TG: variants seen among roughly 807,000 people sequenced by gnomAD.
TG encodes thyroglobulin.
Under a neutral mutation model 324.7 loss-of-function variants are expected in TG, and 270 were observed. The ratio of observed to expected loss-of-function variants is 0.83; its 90% CI spans 0.75 to 0.92. The LOEUF is 0.92. Ranked by LOEUF, TG falls within the 40% of genes least tolerant of loss-of-function variation. The pLI is 0.00. For missense variants in TG, 3,591 were observed against 3,456.4 expected (o/e 1.04, Z -0.98); for synonymous variants, 1,401 against 1,327.0 (o/e 1.06, Z -1.21).
At chr8:133,122,370 C>T (rs943063181) in intron 45 of TG, among the ~76,000 whole-genome samples, 10 of 152,238 alleles carry the variant, frequency 6.6e-5, no homozygotes, top group Middle Eastern at 3.4e-3. Flanking sequence ...AAGATGAGAC[C>T]GTCTAGCTCC....
chr8:132,908,631 C>G (rs1195238452), intron 18 of TG, among the ~76,000 whole-genome samples: 1 of 152,014 alleles, frequency 6.6e-6, no homozygotes, highest in Admixed American at 6.6e-5. Flanking sequence ...CTCAGAGGAG[C>G]CTGGCTAGAG....
chr8:133,101,096 G>A (rs1404505839), intron 43 of TG, among the ~76,000 whole-genome samples: 1 of 152,068 alleles, frequency 6.6e-6, no homozygotes, highest in African/African-American at 2.4e-5. Flanking sequence ...GAGGGTGGCG[G>A]GTGGCAGGCT....
In TG at chr8:132,887,513, C is replaced by G; in HGVS notation, c.2141C>G (p.Pro714Arg). The G allele has an allele frequency of 6.2e-7, 1 of 1,614,184 alleles. No individual in the cohort carries two copies. The highest frequency in any genetic ancestry group is 8.5e-7 in the Non-Finnish European group (1 of 1,180,028). ...YCVDAEGQAI[P>R]GTRSAIGKPK... ...GTTGATGCTGAGGGTCAGGCCATTCCTGGAACTCGAAGTGCAATAGGGAAG... is the reference window on the plus strand; with the variant it reads ...GTTGATGCTGAGGGTCAGGCCATTCGTGGAACTCGAAGTGCAATAGGGAAG... The change falls in exon 9 of 48, where the codon CCT becomes CGT. Residue 714 changes from proline (P) to arginine (R), a missense_variant. Pro to Arg is a moderately radical substitution (Grantham distance 103). Coordinates refer to ENST00000220616, the MANE Select transcript of TG (RefSeq NM_003235.5).
At position 133,116,565 on chromosome 8, in the gene TG, G is replaced by C. The variant is rs781307887; in HGVS notation, c.7755-44G>C. Reference sequence around the variant, plus strand: ...CCCTTTCCAGGCACCATGGCCCATAGAGCCATGTTTAACCAGACTCCCCCC... The same window carrying C: ...CCCTTTCCAGGCACCATGGCCCATACAGCCATGTTTAACCAGACTCCCCCC... On this transcript the variant is annotated intron_variant, in intron 44 of 47. Coordinates refer to ENST00000220616, the MANE Select transcript of TG (RefSeq NM_003235.5). 76 of 1,571,790 alleles carry C rather than the reference G, an allele frequency of 4.8e-5. No homozygotes were observed. In the Middle Eastern group the frequency reaches 1.2e-3, roughly 25 times the overall value.
At chr8:132,964,989 G>A in intron 29 of TG, 1 of 698,796 alleles carries the variant, frequency 1.4e-6, no homozygotes, top group Non-Finnish European at 2.6e-6. Context: ...AAGGCTCTGA[G>A]AGCAGGTGTG....
intron 19 of TG, 84 bp downstream of exon 19, chr8:132,911,617 G>A: frequency 8.6e-7 from 1 of 1,167,412 alleles, no homozygotes. Flanking sequence ...TGGAGCTGGT[G>A]AAGAAGCCCA....
chr8:132,899,097 C>G, intron 14 of TG, 187 bp downstream of exon 14: 1 of 648,848 alleles, frequency 1.5e-6, no homozygotes, highest in Non-Finnish European at 2.8e-6. Flanking sequence ...TTTCTGTGTC[C>G]CAGTTTGTTT....
At chr8:133,102,633 A>T (rs1849412099) in intron 43 of TG, 1 of 1,448,730 alleles carries the variant, frequency 6.9e-7, no homozygotes, top group African/African-American at 1.4e-5. Flanking sequence ...CTTTCTATTG[A>T]AATTCTTCAT....
intron 21 of TG, among the ~76,000 whole-genome samples, chr8:132,921,178 C>T (rs1001892364): frequency 2.0e-5 from 3 of 152,318 alleles, no homozygotes; most frequent in African/African-American, 7.2e-5. Flanking sequence ...CTCCAAATAC[C>T]ATCACACTGG....
Position 132,886,484 on chromosome 8 carries a change from C to A in TG, c.1112C>A (p.Ala371Asp). The A allele has an allele frequency of 6.2e-7, 1 of 1,614,186 alleles. No homozygotes were observed. Among genetic ancestry groups the A allele is most frequent in the South Asian group, 1.1e-5 (1 of 91,078 alleles). The change falls in exon 9 of 48, where the codon GCC becomes GAC. Residue 371 changes from alanine to aspartate, a missense_variant. Coordinates refer to ENST00000220616, the MANE Select transcript of TG (RefSeq NM_003235.5). ...TCTTGTGCCTCCGAAAGGCAGCAGG[C>A]CTTGTCCAGACTCTACTTTGGGACC... ...GQSCASERQQALSRLYFGTSG... is the reference protein window; with the variant it reads ...GQSCASERQQDLSRLYFGTSG...
At chr8:132,903,126 T>A (rs1441702784) in intron 16 of TG, among the ~76,000 whole-genome samples, 1 of 152,090 alleles carries the variant, frequency 6.6e-6, no homozygotes, top group Non-Finnish European at 1.5e-5. Context: ...GGAGGAAGGC[T>A]CCAGAAGGTC....
At chr8:133,066,794 A>G (rs1843097029) in intron 41 of TG, among the ~76,000 whole-genome samples, 1 of 152,224 alleles carries the variant, frequency 6.6e-6, no homozygotes, top group African/African-American at 2.4e-5. Flanking sequence ...TGAGGTTGAA[A>G]TTATGGGTCA....
intron 36 of TG, among the ~76,000 whole-genome samples, chr8:133,012,620 T>A (rs531156384): frequency 1.3e-5 from 2 of 152,346 alleles, no homozygotes; most frequent in Admixed American, 6.5e-5. Flanking sequence ...AGACATCAGA[T>A]AACATTTATA....
chr8:133,078,779 T>C (rs1278537088), intron 41 of TG, among the ~76,000 whole-genome samples: 3 of 152,206 alleles, frequency 2.0e-5, no homozygotes, highest in Non-Finnish European at 2.9e-5. Flanking sequence ...CCAACATCTA[T>C]TGTAAATTTC....
intron 45 of TG, among the ~76,000 whole-genome samples, chr8:133,123,133 A>G (rs1232200387): frequency 6.6e-6 from 1 of 152,072 alleles, no homozygotes; most frequent in African/African-American, 2.4e-5. Flanking sequence ...TGGGGACACA[A>G]TCCTTGCTGG....
chr8:133,097,337 C>G (rs1180868901), intron 43 of TG, among the ~76,000 whole-genome samples: 1 of 152,160 alleles, frequency 6.6e-6, no homozygotes, highest in Non-Finnish European at 1.5e-5. Context: ...GATATATATA[C>G]AAGAGTATTT....
chr8:132,973,955 A>C (rs924660420), intron 34 of TG, among the ~76,000 whole-genome samples: 1 of 149,868 alleles, frequency 6.7e-6, no homozygotes, highest in African/African-American at 2.5e-5. Context: ...GAAATGTGGA[A>C]GGGGTCTTCG....
intron 41 of TG, chr8:133,073,128 G>T (rs1384755389): frequency 6.6e-6 from 1 of 152,150 alleles, no homozygotes; most frequent in Non-Finnish European, 1.5e-5. Flanking sequence ...ACTCGAAGGG[G>T]CAAAGTGACT....
At chr8:133,070,183 A>G (rs111345650) in intron 41 of TG, among the ~76,000 whole-genome samples, 4,524 of 152,118 alleles carry the variant, frequency 0.03, 89 homozygotes, top group Non-Finnish European at 0.041. Flanking sequence ...TGTGGTGTAA[A>G]TACTCCCACC....
Sources: allele counts gnomAD v4.1 joint callset (sites outside exome capture counted in the v4.1 genomes callset), GRCh38; gene constraint gnomAD v4.1.1; transcripts MANE v1.5; gene names NCBI Gene and HGNC (gene_info 2026-07-23, HGNC 2026-07-21).